Variants in ATF7 observed in about 807,000 individuals in gnomAD.
ATF7 encodes activating transcription factor 7, also known as cyclic AMP-dependent transcription factor ATF-7.
A neutral mutation model predicts 50.4 loss-of-function variants in ATF7; 10 were observed. The ratio of observed to expected loss-of-function variants is 0.20; its 90% CI spans 0.12 to 0.34. The LOEUF (loss-of-function observed/expected upper bound fraction) is 0.34. ATF7 is among the 10% of genes least tolerant of loss of function. The pLI, the probability that ATF7 is intolerant of heterozygous loss-of-function variation, is 1.00. For synonymous variants in ATF7, 201 were observed against 226.4 expected (o/e 0.89, Z 1.01); for missense variants, 465 against 613.9 (o/e 0.76, Z 2.56).
At chr12:53,572,117 T>G (rs550790975) in intron 2 of ATF7, among the ~76,000 whole-genome samples, 1 of 152,244 alleles carries the variant, frequency 6.6e-6, no homozygotes, top group South Asian at 2.1e-4. Flanking sequence ...ATGTATTTCT[T>G]ACTCGATTCA....
intron 2 of ATF7, among the ~76,000 whole-genome samples, 181 bp from the exon 3 acceptor site, chr12:53,552,818 A>G (rs1313840728): frequency 6.6e-6 from 1 of 152,156 alleles, no homozygotes; most frequent in Non-Finnish European, 1.5e-5. Flanking sequence ...GAACGCAGGG[A>G]GAAGAGGAGA....
In ATF7 at chr12:53,624,854, G is replaced by A. The variant is rs1033557039; in HGVS notation, c.-22+1425C>T. 5.9e-5 allele frequency among the ~76,000 whole-genome samples: 9 copies of A among 152,158 alleles called. No homozygotes were observed. The East Asian group carries it at 1.3e-3, about 23-fold the overall frequency. On this transcript the variant is annotated intron_variant, in intron 1 of 11. Coordinates refer to ENST00000420353, the MANE Select transcript of ATF7 (RefSeq NM_006856.3). The stretch of plus-strand genomic sequence containing the variant: ...TAAAACAAACTGCAACCACCCATTC[G>A]ACAACTCTTCGAGAATGACTGGGGA...
chr12:53,514,727 G>A lies in ATF7; in HGVS notation c.*2410C>T, dbSNP rs1220712309. 6.6e-6 allele frequency: 1 copy of A among 152,116 alleles called. No homozygotes were observed. The highest frequency in any genetic ancestry group is 2.4e-5 in the African/African-American group (1 of 41,428). 9.4% of individuals were successfully genotyped at this position (152,116 alleles called of 1,614,324 possible). ...GTCATGGGGGCTAAGAAATAAAAAAGACCCGCTACATAAATTAGCCACCCA... is the reference window on the plus strand; with the variant it reads ...GTCATGGGGGCTAAGAAATAAAAAAAACCCGCTACATAAATTAGCCACCCA... On this transcript the variant is annotated 3_prime_UTR_variant, in exon 12 of 12. Transcript: ENST00000420353.
intron 2 of ATF7, among the ~76,000 whole-genome samples, chr12:53,585,407 T>C (rs570955204): frequency 1.1e-4 from 17 of 152,264 alleles, no homozygotes; most frequent in Middle Eastern, 3.4e-3. Context: ...TGGTTCAGTA[T>C]GTTGACAGTG....
chr12:53,587,234 G>A (rs1221785751), intron 2 of ATF7, among the ~76,000 whole-genome samples: 1 of 151,658 alleles, frequency 6.6e-6, no homozygotes, highest in Non-Finnish European at 1.5e-5. Context: ...GGGCTTGGTG[G>A]TGCACATCTG....
At position 53,543,430 on chromosome 12, in the gene ATF7, G is replaced by T. The variant is rs375152787; in HGVS notation, c.164C>A (p.Thr55Asn). 3 of 1,598,056 alleles carry T rather than the reference G, an allele frequency of 1.9e-6. No homozygotes were observed. The highest frequency in any genetic ancestry group is 2.6e-6 in the Non-Finnish European group (3 of 1,171,308). The change falls in exon 4 of 12, where the codon ACT becomes AAT. Residue 55 changes from threonine (T) to asparagine (N), a missense_variant. Transcript: ENST00000420353. ...VIIADQTPTPTRFLKNCEEVG... is the reference protein window; with the variant it reads ...VIIADQTPTPNRFLKNCEEVG... ...CTCCTCACAGTTCTTCAGGAATCTAGTTGGAGTAGGCGTTTGATCTGTAGA... is the reference window on the plus strand; with the variant it reads ...CTCCTCACAGTTCTTCAGGAATCTATTTGGAGTAGGCGTTTGATCTGTAGA...
chr12:53,554,010 C>T (rs1346427075), intron 2 of ATF7, among the ~76,000 whole-genome samples: 1 of 152,232 alleles, frequency 6.6e-6, no homozygotes, highest in Admixed American at 6.5e-5. Context: ...CGCGATGGCT[C>T]ATGCCTGTAA....
intron 2 of ATF7, among the ~76,000 whole-genome samples, chr12:53,600,315 C>T (rs1943338660): frequency 6.6e-6 from 1 of 151,946 alleles, no homozygotes. Flanking sequence ...TATATCCATG[C>T]AGGTTGAAGA....
At chr12:53,509,678 G>T (rs1944092604), downstream of ATF7, among the ~76,000 whole-genome samples, 1 of 151,812 alleles carries the variant, frequency 6.6e-6, no homozygotes, top group Admixed American at 6.6e-5. Flanking sequence ...GCTAATTTTT[G>T]TATTTTTAGT....
chr12:53,554,870 G>GAAAAAA lies in ATF7; in HGVS notation c.49-2239_49-2234dup, dbSNP rs61675595. 5.1e-3 allele frequency among the ~76,000 whole-genome samples: 385 copies of GAAAAAA among 76,020 alleles called. 1 individual carries two copies. Among genetic ancestry groups the GAAAAAA allele is most frequent in the East Asian group, 0.013 (33 of 2,540 alleles). The allele number at this position is 76,020 out of a possible 152,430, so 49.9% of individuals were successfully genotyped here. Reference sequence around the variant, plus strand: ...AGAGGAAGACCTTGTCTCAAAAAAAGAAAAAAAAAAAAAAAAAAAAAAAAG... The same window carrying GAAAAAA: ...AGAGGAAGACCTTGTCTCAAAAAAAGAAAAAAAAAAAAAAAAAAAAAAAAAAAAAAG... On this transcript the variant is annotated intron_variant, in intron 2 of 11. Coordinates refer to ENST00000420353, the MANE Select transcript of ATF7 (RefSeq NM_006856.3).
intron 1 of ATF7, among the ~76,000 whole-genome samples, chr12:53,619,773 T>C (rs560856478): frequency 2.6e-4 from 39 of 150,358 alleles, no homozygotes; most frequent in Non-Finnish European, 5.0e-4. Context: ...GATGGCGCCA[T>C]TGCACTCCAG....
intron 2 of ATF7, among the ~76,000 whole-genome samples, chr12:53,554,669 C>G (rs1468696099): frequency 6.6e-6 from 1 of 150,962 alleles, no homozygotes; most frequent in Non-Finnish European, 1.5e-5. Flanking sequence ...TCGAGGCCAG[C>G]ATGACCAACA....
intron 5 of ATF7, 144 bp downstream of exon 5, chr12:53,537,271 G>T: frequency 9.7e-7 from 1 of 1,032,274 alleles, no homozygotes; most frequent in Non-Finnish European, 1.4e-6. Flanking sequence ...GTTTCTCCAT[G>T]TTGCCCAGGC....
chr12:53,606,343 G>A (rs151036497), intron 1 of ATF7, among the ~76,000 whole-genome samples: 5 of 152,154 alleles, frequency 3.3e-5, no homozygotes, highest in African/African-American at 9.6e-5. Context: ...CTGCCTCCCG[G>A]ATTCAAGCGA....
intron 4 of ATF7, among the ~76,000 whole-genome samples, chr12:53,539,105 G>C (rs765571653): frequency 5.9e-5 from 9 of 152,162 alleles, no homozygotes; most frequent in Non-Finnish European, 1.2e-4. Flanking sequence ...TCATTAAGGG[G>C]AAGTAAAGAC....
At chr12:53,610,260 A>G (rs564881587) in intron 1 of ATF7, among the ~76,000 whole-genome samples, 4 of 152,218 alleles carry the variant, frequency 2.6e-5, no homozygotes, top group African/African-American at 7.2e-5. Flanking sequence ...GTTCTCATAC[A>G]TTCCAAACGA....
At chr12:53,586,770 T>C (rs1942700097) in intron 2 of ATF7, among the ~76,000 whole-genome samples, 1 of 152,208 alleles carries the variant, frequency 6.6e-6, no homozygotes, top group South Asian at 2.1e-4. Flanking sequence ...TAGGAACTCC[T>C]GTCATCACTC....
chr12:53,547,932 G>T (rs572127900), intron 3 of ATF7, among the ~76,000 whole-genome samples: 19 of 152,108 alleles, frequency 1.2e-4, no homozygotes, highest in Non-Finnish European at 2.4e-4. Context: ...GGAGGCAGTG[G>T]CATAATCACA....
At chr12:53,550,339 T>TAAAA (rs1290152303) in intron 3 of ATF7, among the ~76,000 whole-genome samples, 1 of 128,324 alleles carries the variant, frequency 7.8e-6, no homozygotes, top group East Asian at 2.2e-4. Context: ...AAAAAATAAA[T>TAAAA]AAATAAATAA....
Sources: gnomAD v4.1 joint callset for allele counts (sites outside exome capture counted in the v4.1 genomes callset) on GRCh38, gnomAD v4.1.1 for gene constraint, MANE v1.5 for transcripts, NCBI Gene and HGNC (gene_info 2026-07-23, HGNC 2026-07-21) for gene names.